KCTD16: variants seen among roughly 807,000 people sequenced by gnomAD.
KCTD16 encodes potassium channel tetramerization domain containing 16.
In KCTD16, 13 loss-of-function variants were observed where a neutral mutation model predicts 33.2. The ratio of observed to expected loss-of-function variants is 0.39; its 90% CI spans 0.25 to 0.62. The LOEUF (loss-of-function observed/expected upper bound fraction) is 0.62, where lower values mean the gene tolerates loss of function less well. Ranked by LOEUF, KCTD16 falls within the 20% of genes least tolerant of loss-of-function variation. The pLI is 0.50. For synonymous variants in KCTD16, 197 were observed against 195.3 expected, an observed-to-expected ratio of 1.01 and a Z score of -0.07; for missense variants, 441 against 525.1, an observed-to-expected ratio of 0.84 and a Z score of 1.57.
chr5:144,443,511 CTCT>C (rs1390690095), intron 3 of KCTD16, among the ~76,000 whole-genome samples: 1 of 151,738 alleles, frequency 6.6e-6, no homozygotes, highest in African/African-American at 2.4e-5. Flanking sequence ...AGAGATGCTT[CTCT>C]TCTTTTACTA....
At chr5:144,306,203 G>T (rs1032570220) in intron 3 of KCTD16, among the ~76,000 whole-genome samples, 2 of 152,230 alleles carry the variant, frequency 1.3e-5, no homozygotes, top group African/African-American at 2.4e-5. Flanking sequence ...CCGTTCTAGG[G>T]CTTGAGCAGA....
intron 3 of KCTD16, among the ~76,000 whole-genome samples, chr5:144,381,975 T>C (rs888897455): frequency 2.0e-5 from 3 of 151,982 alleles, no homozygotes; most frequent in Non-Finnish European, 4.4e-5. Context: ...GGAATCAACC[T>C]AGGTTCCCAT....
intron 3 of KCTD16, among the ~76,000 whole-genome samples, chr5:144,366,506 G>A (rs1751836747): frequency 6.6e-6 from 1 of 152,136 alleles, no homozygotes. Flanking sequence ...GGGAGAATAA[G>A]GAGTTTGGAA....
At chr5:144,236,371 G>A (rs1754253583) in intron 3 of KCTD16, among the ~76,000 whole-genome samples, 1 of 152,102 alleles carries the variant, frequency 6.6e-6, no homozygotes, top group Admixed American at 6.6e-5. Context: ...GGCTGCCCAG[G>A]CAGAAGGAAC....
chr5:144,307,276 T>G (rs1403821666), intron 3 of KCTD16, among the ~76,000 whole-genome samples: 1 of 152,200 alleles, frequency 6.6e-6, no homozygotes, highest in Non-Finnish European at 1.5e-5. Flanking sequence ...TCCTTCTCCT[T>G]GAGTTATCAT....
rs1184660636 is a variant in KCTD16 at position 144,170,898 on chromosome 5, GGA to G, written c.-602_-601del. The G allele has an allele frequency of 0.043, 6,614 of 152,320 alleles. 413 individuals are homozygous for G. The highest frequency in any genetic ancestry group is 0.14 in the African/African-American group (5,625 of 41,500). The allele number at this position is 152,320 out of a possible 1,614,324, so 9.4% of individuals were successfully genotyped here. On this transcript the variant is annotated 5_prime_UTR_variant, in exon 1 of 4. It removes the in-frame stop codon of an upstream open reading frame in the 5' UTR. Transcript: ENST00000512467. ...AGACCTAGGTGATGGAGGAAGACTG[GGA>G]GGCGCTAAAATGAGACAGACGGAGT...
intron 2 of KCTD16, among the ~76,000 whole-genome samples, chr5:144,184,880 C>T (rs965688257): frequency 1.3e-5 from 2 of 148,708 alleles, no homozygotes; most frequent in African/African-American, 4.9e-5. Context: ...CAGTTACTTC[C>T]TCTGTCTACA....
chr5:144,371,147 G>T (rs1385547303), intron 3 of KCTD16, among the ~76,000 whole-genome samples: 1 of 151,992 alleles, frequency 6.6e-6, no homozygotes, highest in Non-Finnish European at 1.5e-5. Flanking sequence ...AAGTTTGGGT[G>T]GTTTTTGCCA....
At chr5:144,226,653 A>G (rs904065123) in intron 3 of KCTD16, among the ~76,000 whole-genome samples, 8 of 151,490 alleles carry the variant, frequency 5.3e-5, no homozygotes, top group Non-Finnish European at 4.4e-5. Flanking sequence ...GCTCACTGCG[A>G]CCTCTGCCTC....
chr5:144,176,081 T>G (rs922329952), intron 2 of KCTD16, among the ~76,000 whole-genome samples: 12 of 152,226 alleles, frequency 7.9e-5, no homozygotes, highest in African/African-American at 2.9e-4. Context: ...ATTGTAAATT[T>G]TAGTCTCATA....
intron 3 of KCTD16, among the ~76,000 whole-genome samples, chr5:144,269,652 A>G (rs890849838): frequency 2.6e-5 from 4 of 152,146 alleles, no homozygotes; most frequent in Non-Finnish European, 5.9e-5. Flanking sequence ...AGCTGTATGA[A>G]GAAACAAATA....
chr5:144,451,269 G>T (rs1024939382), intron 3 of KCTD16, among the ~76,000 whole-genome samples: 1 of 152,066 alleles, frequency 6.6e-6, no homozygotes, highest in Non-Finnish European at 1.5e-5. Flanking sequence ...TTTTTAAAAA[G>T]TGGAGTAGTC....
intron 3 of KCTD16, among the ~76,000 whole-genome samples, chr5:144,291,251 A>G (rs1420575670): frequency 6.6e-6 from 1 of 152,106 alleles, no homozygotes; most frequent in Admixed American, 6.5e-5. Flanking sequence ...AAGACATCAC[A>G]TTCACCTCCT....
chr5:144,356,443 T>G (rs1027017556), intron 3 of KCTD16, among the ~76,000 whole-genome samples: 1 of 152,042 alleles, frequency 6.6e-6, no homozygotes, highest in African/African-American at 2.4e-5. Context: ...CCATCTAAAT[T>G]TCATTGTGCA....
At chr5:144,310,137 T>C (rs975427164) in intron 3 of KCTD16, among the ~76,000 whole-genome samples, 4 of 152,134 alleles carry the variant, frequency 2.6e-5, no homozygotes, top group Non-Finnish European at 5.9e-5. Context: ...CACATATGAA[T>C]GAGAATATGC....
intron 3 of KCTD16, among the ~76,000 whole-genome samples, chr5:144,302,809 C>A (rs1354577821): frequency 6.6e-6 from 1 of 152,172 alleles, no homozygotes; most frequent in African/African-American, 2.4e-5. Flanking sequence ...GTGATGAAAA[C>A]AGTTTTTAAT....
chr5:144,365,709 C>T (rs17382264), intron 3 of KCTD16, among the ~76,000 whole-genome samples: 1 of 152,152 alleles, frequency 6.6e-6, no homozygotes, highest in Non-Finnish European at 1.5e-5. Context: ...TTCAAATGAA[C>T]GTGCCAAGTT....
chr5:144,466,971 A>C (rs1316026539), intron 3 of KCTD16, among the ~76,000 whole-genome samples: 1 of 130,628 alleles, frequency 7.7e-6, no homozygotes, highest in Non-Finnish European at 1.6e-5. Context: ...TATATATTAT[A>C]TATAATATAT....
chr5:144,478,471 A>C lies in KCTD16; in HGVS notation c.*4357A>C, dbSNP rs745888164. On this transcript the variant is annotated 3_prime_UTR_variant, in exon 4 of 4. Coordinates refer to ENST00000512467, the MANE Select transcript of KCTD16 (RefSeq NM_020768.4). ...TGGAATGGAGATTCTTTTTCCAGTGATCTCCATTGCAAACTTTTTAATAGT... is the reference window on the plus strand; with the variant it reads ...TGGAATGGAGATTCTTTTTCCAGTGCTCTCCATTGCAAACTTTTTAATAGT... 3 of 152,026 alleles carry C rather than the reference A, an allele frequency of 2.0e-5. No homozygotes were observed. Among genetic ancestry groups the C allele is most frequent in the Non-Finnish European group, 4.4e-5 (3 of 67,918 alleles). The allele number at this position is 152,026 out of a possible 1,614,324, so 9.4% of individuals were successfully genotyped here. A position where few individuals can be genotyped will look rare whatever the true frequency, so the allele number is the denominator to read the frequency against.
Sources: allele counts gnomAD v4.1 joint callset (sites outside exome capture counted in the v4.1 genomes callset), GRCh38; gene constraint gnomAD v4.1.1; transcripts MANE v1.5; gene names NCBI Gene and HGNC (gene_info 2026-07-23, HGNC 2026-07-21).